GSDMC: variants seen among roughly 807,000 people sequenced by gnomAD.
GSDMC encodes gasdermin C.
In GSDMC, 59 loss-of-function variants were observed where a neutral mutation model predicts 58.0. That is an observed-to-expected ratio of 1.02 (90% CI 0.82 to 1.26). The LOEUF is 1.26. Ranked by LOEUF, GSDMC falls within the 50% of genes most tolerant of loss-of-function variation. The probability of loss-of-function intolerance (pLI) is 0.00; values close to 1 mark genes in which losing one functional copy is unlikely to be tolerated. For missense variants in GSDMC, 659 were observed against 598.5 expected, an observed-to-expected ratio of 1.10 and a Z score of -1.06; for synonymous variants, 241 against 220.2, an observed-to-expected ratio of 1.09 and a Z score of -0.83.
the GSDMC span, among the ~76,000 whole-genome samples, chr8:129,733,630 AC>A: frequency 6.6e-6 from 1 of 152,224 alleles, no homozygotes; most frequent in Non-Finnish European, 1.5e-5. Flanking sequence ...ATCAACATCA[AC>A]AAAAAGCACA....
At chr8:129,707,404 T>C in the GSDMC span, among the ~76,000 whole-genome samples, 1 of 152,198 alleles carries the variant, frequency 6.6e-6, no homozygotes, top group Non-Finnish European at 1.5e-5. Flanking sequence ...TTTCATGGTT[T>C]CTTTTTCAGT....
chr8:129,730,446 G>T, the GSDMC span: 2 of 1,079,000 alleles, frequency 1.9e-6, no homozygotes, highest in South Asian at 1.7e-5. Flanking sequence ...AAAAGTTTAA[G>T]TTGATTTTTT....
At chr8:129,726,257 C>T in the GSDMC span, among the ~76,000 whole-genome samples, 1 of 152,164 alleles carries the variant, frequency 6.6e-6, no homozygotes, top group African/African-American at 2.4e-5. Context: ...TGTAGTGTTT[C>T]AAGAAGGAGG....
chr8:129,717,250 C>CTTTTTTTT, the GSDMC span, among the ~76,000 whole-genome samples: 4 of 114,684 alleles, frequency 3.5e-5, no homozygotes, highest in South Asian at 3.0e-4. Flanking sequence ...TGGTCCTGGG[C>CTTTTTTTT]TTTTTTTTTT....
chr8:129,724,587 C>T, the GSDMC span, among the ~76,000 whole-genome samples: 8 of 151,162 alleles, frequency 5.3e-5, no homozygotes, highest in Non-Finnish European at 1.2e-4. Flanking sequence ...ATCCAATAAA[C>T]AATGAGTAAC....
At chr8:129,752,951 C>A in intron 6 of GSDMC, 131 bp from the exon 7 acceptor site, 2 of 1,445,004 alleles carry the variant, frequency 1.4e-6, no homozygotes, top group Non-Finnish European at 1.8e-6. Context: ...TTGAACAAGA[C>A]CCACTCAAAG....
chr8:129,718,413 A>T, the GSDMC span, among the ~76,000 whole-genome samples: 1 of 152,246 alleles, frequency 6.6e-6, no homozygotes, highest in Non-Finnish European at 1.5e-5. Context: ...GCCAACAAAC[A>T]TATGGAAAAA....
the GSDMC span, among the ~76,000 whole-genome samples, chr8:129,732,608 T>A: frequency 2.6e-5 from 4 of 152,142 alleles, no homozygotes; most frequent in Admixed American, 2.6e-4. Flanking sequence ...AGATAAAGAA[T>A]TCAGAGTATG....
intron 6 of GSDMC, among the ~76,000 whole-genome samples, chr8:129,759,856 G>A (rs547371334): frequency 6.6e-6 from 1 of 152,154 alleles, no homozygotes; most frequent in Non-Finnish European, 1.5e-5. Context: ...CAATCTCACT[G>A]CTGGGTATAT....
intron 3 of GSDMC, among the ~76,000 whole-genome samples, chr8:129,768,239 T>C (rs773120981): frequency 5.9e-5 from 9 of 152,220 alleles, no homozygotes; most frequent in African/African-American, 7.2e-5. Flanking sequence ...CTGGTGAAGG[T>C]CTATCTCTAC....
chr8:129,741,288 A>T, the GSDMC span, among the ~76,000 whole-genome samples: 1 of 152,048 alleles, frequency 6.6e-6, no homozygotes, highest in African/African-American at 2.4e-5. Context: ...TGATGCCTCC[A>T]GTTTTGTTAT....
chr8:129,752,415 AG>A (rs2033246434), intron 7 of GSDMC, among the ~76,000 whole-genome samples: 1 of 152,144 alleles, frequency 6.6e-6, no homozygotes, highest in African/African-American at 2.4e-5. Flanking sequence ...GGTCAGAGGA[AG>A]GGGACAGTTG....
chr8:129,734,448 A>C, the GSDMC span, among the ~76,000 whole-genome samples: 1 of 152,230 alleles, frequency 6.6e-6, no homozygotes, highest in Non-Finnish European at 1.5e-5. Flanking sequence ...TACCCACAAA[A>C]GGAAGTCCAA....
the GSDMC span, among the ~76,000 whole-genome samples, chr8:129,716,105 A>T: frequency 6.6e-6 from 1 of 152,232 alleles, no homozygotes; most frequent in South Asian, 2.1e-4. Context: ...AGGAAACAAC[A>T]TATGGGCAAT....
chr8:129,737,194 G>T, the GSDMC span, among the ~76,000 whole-genome samples: 2 of 151,854 alleles, frequency 1.3e-5, no homozygotes, highest in Non-Finnish European at 1.5e-5. Context: ...AGAATCAATA[G>T]CGTGAAAATG....
At chr8:129,733,135 G>C in the GSDMC span, among the ~76,000 whole-genome samples, 2 of 152,260 alleles carry the variant, frequency 1.3e-5, no homozygotes, top group Non-Finnish European at 2.9e-5. Flanking sequence ...GCTGAGGCTT[G>C]AGTAGGTAAA....
At position 129,750,119 on chromosome 8, in the gene GSDMC, G is replaced by T. The variant is rs759674281; in HGVS notation, c.1084C>A (p.Leu362Met). Residue 362 changes from leucine (L) to methionine (M), a missense_variant and splice_region_variant, in exon 12 of 14, where the codon CTG (leucine) becomes ATG (methionine). Transcript: ENST00000276708. Reference protein sequence around the residue: ...RGALQDLMNMLELDSSGHLDG... With the variant: ...RGALQDLMNMMELDSSGHLDG... ...AAATGACCTGAGCTGTCCAATTCCA[G>T]CTATAGAAGACAGGTATTATTGTTA... 4 of 1,561,336 alleles carry T rather than the reference G, an allele frequency of 2.6e-6. No homozygotes were observed. The South Asian group carries it at 3.6e-5, about 14-fold the overall frequency.
chr8:129,778,850 A>T (rs61071273), intron 1 of GSDMC, among the ~76,000 whole-genome samples: 19,601 of 142,814 alleles, frequency 0.14, 1,566 homozygotes, highest in Admixed American at 0.19. Context: ...ACAATCGTAT[A>T]AAAAAAAAAG....
chr8:129,725,768 C>T, the GSDMC span, among the ~76,000 whole-genome samples: 11 of 152,086 alleles, frequency 7.2e-5, no homozygotes, highest in South Asian at 4.2e-4. Flanking sequence ...CAATCCAATG[C>T]GCTGGGGAAA....
Sources: gnomAD v4.1 joint callset for allele counts (sites outside exome capture counted in the v4.1 genomes callset) on GRCh38, gnomAD v4.1.1 for gene constraint, MANE v1.5 for transcripts, NCBI Gene and HGNC (gene_info 2026-07-23, HGNC 2026-07-21) for gene names.